TBC1D1: variants seen among roughly 807,000 people sequenced by gnomAD.
TBC1D1 encodes the protein TBC1 domain family member 1, also known as TBC1 (tre-2/USP6, BUB2, cdc16) domain family, member 1.
TBC1D1 carries 89 observed loss-of-function variants against 125.6 expected under a neutral mutation model. That is an observed-to-expected ratio of 0.71 (90% CI 0.60 to 0.85). The LOEUF (loss-of-function observed/expected upper bound fraction) is 0.85. Ranked by LOEUF, TBC1D1 falls within the 40% of genes least tolerant of loss-of-function variation. The pLI is 0.00. For synonymous variants in TBC1D1, 565 were observed against 564.1 expected (o/e 1.00, Z -0.02); for missense variants, 1,377 against 1,469.2 (o/e 0.94, Z 1.03).
chr4:38,052,132 G>A, intron 11 of TBC1D1, 72 bp downstream of exon 12: 1 of 1,455,098 alleles, frequency 6.9e-7, no homozygotes, highest in Non-Finnish European at 9.4e-7. Context: ...AGGATGTGCT[G>A]AATGGGGGGA....
At chr4:37,990,841 G>T (rs75935172) in intron 2 of TBC1D1, among the ~76,000 whole-genome samples, 7,482 of 152,232 alleles carry the variant, frequency 0.049, 272 homozygotes, top group African/African-American at 0.1. Context: ...GGAAAGAGCT[G>T]GATGTACTAG....
chr4:37,948,179 A>G (rs1007520370), intron 2 of TBC1D1, among the ~76,000 whole-genome samples: 10 of 152,304 alleles, frequency 6.6e-5, no homozygotes, highest in Non-Finnish European at 2.9e-5. Context: ...AAAGAAGATT[A>G]TAAGAGGCAC....
chr4:38,070,262 G>A (rs1339145725), intron 12 of TBC1D1, among the ~76,000 whole-genome samples: 2 of 152,234 alleles, frequency 1.3e-5, no homozygotes, highest in African/African-American at 2.4e-5. Flanking sequence ...AGATCCCTCT[G>A]CTAGGATCAA....
At chr4:38,135,546 TACTA>T (rs1560283489) in intron 19 of TBC1D1, among the ~76,000 whole-genome samples, 1 of 152,224 alleles carries the variant, frequency 6.6e-6, no homozygotes, top group African/African-American at 2.4e-5. Flanking sequence ...ATTAATTCAC[TACTA>T]ACTAAGCTGC....
At chr4:37,968,802 G>A (rs1218976464) in intron 2 of TBC1D1, among the ~76,000 whole-genome samples, 2 of 152,192 alleles carry the variant, frequency 1.3e-5, no homozygotes, top group African/African-American at 4.8e-5. Context: ...GATTGGAGGT[G>A]TGGGGTTGGG....
intron 13 of TBC1D1, 79 bp from the exon 16 acceptor site, chr4:38,095,850 C>T: frequency 6.9e-7 from 1 of 1,439,618 alleles, no homozygotes; most frequent in Non-Finnish European, 9.4e-7. Context: ...AGCGGGATAA[C>T]AAGTAGGCAG....
chr4:38,087,606 C>T (rs761677054), intron 12 of TBC1D1, among the ~76,000 whole-genome samples: 1 of 151,898 alleles, frequency 6.6e-6, no homozygotes, highest in African/African-American at 2.4e-5. Flanking sequence ...CTTTGGGAGG[C>T]CGAGGTGGGC....
At chr4:38,000,750 T>G (rs1223852933) in intron 2 of TBC1D1, among the ~76,000 whole-genome samples, 1 of 152,064 alleles carries the variant, frequency 6.6e-6, no homozygotes, top group Non-Finnish European at 1.5e-5. Context: ...ACTAACAACC[T>G]GAAGTTAGCA....
chr4:37,996,432 G>T (rs1215799318), intron 2 of TBC1D1, among the ~76,000 whole-genome samples: 1 of 152,204 alleles, frequency 6.6e-6, no homozygotes, highest in Non-Finnish European at 1.5e-5. Flanking sequence ...TCCTTTATTG[G>T]CAAAAGTTCT....
intron 2 of TBC1D1, among the ~76,000 whole-genome samples, chr4:37,907,148 T>G (rs1403505305): frequency 6.6e-6 from 1 of 152,226 alleles, no homozygotes; most frequent in African/African-American, 2.4e-5. Context: ...CTCTATTCAT[T>G]CTGTTGTGAT....
chr4:37,911,750 C>T (rs1718679071), intron 2 of TBC1D1, among the ~76,000 whole-genome samples: 1 of 152,144 alleles, frequency 6.6e-6, no homozygotes. Flanking sequence ...ATTGTGCCCT[C>T]AAGAACTATA....
chr4:37,951,962 C>G lies in TBC1D1; in HGVS notation c.417+49450C>G, dbSNP rs1344803866. 3 of 717,242 alleles carry G rather than the reference C, an allele frequency of 4.2e-6. No individual in the cohort carries two copies. In the African/African-American group the frequency reaches 5.2e-5, roughly 13 times the overall value. 44.4% of individuals were successfully genotyped at this position (717,242 alleles called of 1,614,324 possible). On this transcript the variant is annotated intron_variant, in intron 2 of 19. Coordinates refer to ENST00000261439, the MANE Select transcript of TBC1D1 (RefSeq NM_015173.4). ...ACTGTACAAACCTACATACTGACAC[C>G]TATGTGTTCTCAGACTATGTATAAG...
At chr4:37,925,766 A>G (rs9968554) in intron 2 of TBC1D1, among the ~76,000 whole-genome samples, 76,234 of 151,028 alleles carry the variant, frequency 0.5, 19,924 homozygotes, top group East Asian at 0.81. Flanking sequence ...TATTAACAAA[A>G]AAAACAGAAA....
chr4:37,954,404 AAAT>A (rs1728504091), intron 2 of TBC1D1, among the ~76,000 whole-genome samples: 1 of 136,642 alleles, frequency 7.3e-6, no homozygotes, highest in Non-Finnish European at 1.6e-5. Flanking sequence ...AAAAAAAAAA[AAAT>A]TGCCTACTAT....
intron 15 of TBC1D1, among the ~76,000 whole-genome samples, chr4:38,104,851 G>T (rs1302568770): frequency 6.6e-6 from 1 of 151,110 alleles, no homozygotes; most frequent in African/African-American, 2.4e-5. Flanking sequence ...CGTCTCCTGG[G>T]TTCACAGCAT....
intron 2 of TBC1D1, chr4:38,007,213 T>C (rs953371448): frequency 6.5e-6 from 1 of 153,800 alleles, no homozygotes; most frequent in African/African-American, 2.4e-5. Context: ...TTTGGCATCC[T>C]ATCTGCTTTT....
At chr4:38,102,715 C>T (rs1216015812) in intron 14 of TBC1D1, among the ~76,000 whole-genome samples, 1 of 150,816 alleles carries the variant, frequency 6.6e-6, no homozygotes, top group Non-Finnish European at 1.5e-5. Flanking sequence ...CCTGTCTCTA[C>T]AAAAATAAAA....
chr4:38,119,166 TAGAG>T (rs1472686590), intron 17 of TBC1D1, among the ~76,000 whole-genome samples: 1 of 152,232 alleles, frequency 6.6e-6, no homozygotes, highest in Non-Finnish European at 1.5e-5. Flanking sequence ...TTTTTATGAT[TAGAG>T]AGCATCTTAA....
At chr4:37,975,097 G>A (rs1357388747) in intron 2 of TBC1D1, among the ~76,000 whole-genome samples, 1 of 152,166 alleles carries the variant, frequency 6.6e-6, no homozygotes, top group Admixed American at 6.5e-5. Context: ...TAGTGGTCCC[G>A]AATGCCAGGC....
Sources: allele counts gnomAD v4.1 joint callset (sites outside exome capture counted in the v4.1 genomes callset), GRCh38; gene constraint gnomAD v4.1.1; transcripts MANE v1.5; gene names NCBI Gene and HGNC (gene_info 2026-07-23, HGNC 2026-07-21).